The following CACNG6 variants were observed in gnomAD, a reference collection of about 807,000 sequenced individuals.
CACNG6 encodes voltage-dependent calcium channel gamma-6 subunit.
A neutral mutation model predicts 23.9 loss-of-function variants in CACNG6; 21 were observed. The observed-to-expected ratio is 0.88, with a 90% confidence interval of 0.62 to 1.26. The LOEUF (loss-of-function observed/expected upper bound fraction) is 1.26, where lower values mean the gene tolerates loss of function less well. Ranked by LOEUF, CACNG6 falls within the 50% of genes most tolerant of loss-of-function variation. The probability of loss-of-function intolerance (pLI) is 0.00; values close to 1 mark genes in which losing one functional copy is unlikely to be tolerated. For missense variants in CACNG6, 340 were observed against 352.9 expected (o/e 0.96, Z 0.29); for synonymous variants, 182 against 168.9 (o/e 1.08, Z -0.60).
chr19:53,992,918 G>T lies in CACNG6; in HGVS notation c.41G>T (p.Arg14Leu). Residue 14 changes from arginine to leucine, a missense_variant, in exon 1 of 4, where the codon CGG becomes CTG. By Grantham distance (102) the Arg-to-Leu change is moderately radical. Coordinates refer to ENST00000252729, the MANE Select transcript of CACNG6 (RefSeq NM_145814.2). The surrounding 1 kb of genome is among the most constrained non-coding windows in gnomAD (Gnocchi z 4.1). ...SNFFLQEENR[R>L]RGAAGRRRAH... ...TTCTTCCTGCAAGAGGAGAACCGGC[G>T]GCGGGGGGCCGCGGGCCGGCGGCGG... 1 of 1,402,116 alleles carries T rather than the reference G, an allele frequency of 7.1e-7. No individual in the cohort carries two copies. Among genetic ancestry groups the T allele is most frequent in the Non-Finnish European group, 9.3e-7 (1 of 1,080,884 alleles). The allele number at this position is 1,402,116 out of a possible 1,614,324, so 86.9% of individuals were successfully genotyped here. A position where few individuals can be genotyped will look rare whatever the true frequency, so the allele number is the denominator to read the frequency against.
chr19:54,010,036 CTTTCTTT>C (rs1406499792), intron 3 of CACNG6, among the ~76,000 whole-genome samples: 1 of 97,942 alleles, frequency 1.0e-5, no homozygotes, highest in African/African-American at 4.0e-5. Context: ...TATTTCTTTT[CTTTCTTT>C]TTTTTTTTTT....
chr19:54,001,724 C>T (rs2069577912), intron 3 of CACNG6, among the ~76,000 whole-genome samples: 1 of 152,088 alleles, frequency 6.6e-6, no homozygotes, highest in Non-Finnish European at 1.5e-5. Flanking sequence ...GGAGAGTTTG[C>T]TGCATTGCAG....
At chr19:53,998,078 G>A (rs1038115105) in intron 1 of CACNG6, among the ~76,000 whole-genome samples, 161 bp from the exon 2 acceptor site, 4 of 152,068 alleles carry the variant, frequency 2.6e-5, no homozygotes, top group African/African-American at 7.2e-5. Context: ...CAGTGTGGTC[G>A]CAGGTGGCTT....
intron 1 of CACNG6, among the ~76,000 whole-genome samples, chr19:53,995,606 C>T (rs566801124): frequency 7.6e-4 from 116 of 152,342 alleles, no homozygotes; most frequent in Middle Eastern, 6.8e-3. Flanking sequence ...CCGTGTTTCC[C>T]GCAATGACTG....
chr19:53,993,145 C>A lies in CACNG6; in HGVS notation c.268C>A (p.Arg90=), dbSNP rs1363538160. Residue 90 remains arginine (R), a synonymous_variant, in exon 1 of 4, where the codon CGG becomes AGG. Transcript: ENST00000252729. The stretch of plus-strand genomic sequence containing the variant: ...GGGGCTGTGGAAGGCGTGCACCAAG[C>A]GGCTGTGGCAGGCGGACGTGCCCGT... ...HLGLWKACTK[R]LWQADVPVDR... 1.3e-6 allele frequency: 2 copies of A among 1,547,812 alleles called. No individual in the cohort carries two copies. The highest frequency in any genetic ancestry group is 1.4e-5 in the African/African-American group (1 of 73,088).
chr19:54,010,166 G>A (rs2069691137), intron 3 of CACNG6, among the ~76,000 whole-genome samples: 1 of 150,854 alleles, frequency 6.6e-6, no homozygotes, highest in African/African-American at 2.4e-5. Context: ...GATTACAGGT[G>A]CACACCACCA....
rs147321924 is a variant in CACNG6 at position 54,000,112 on chromosome 19, G to C, written c.544+341G>C. Among the ~76,000 whole-genome samples, 627 of 152,220 alleles carry C rather than the reference G, an allele frequency of 4.1e-3. 11 individuals are homozygous for C. Among genetic ancestry groups the C allele is most frequent in the Non-Finnish European group, 1.1e-3 (75 of 67,998 alleles). On this transcript the variant is annotated intron_variant, in intron 3 of 3. Coordinates refer to ENST00000252729, the MANE Select transcript of CACNG6 (RefSeq NM_145814.2). ...CAAACATTGTTTTAGATTTGGACCT[G>C]GGATTTCCAATCACTGTTGCATGCT...
chr19:54,009,831 C>T (rs1346045440), intron 3 of CACNG6, among the ~76,000 whole-genome samples: 7 of 148,408 alleles, frequency 4.7e-5, no homozygotes, highest in East Asian at 2.0e-4. Flanking sequence ...GAGGCTGAGG[C>T]GGGAGAATCA....
At chr19:53,993,328 TGCCTCGCAGTAAGC>T (rs1158615724) in intron 1 of CACNG6, 120 bp downstream of exon 1, 12 of 1,028,340 alleles carry the variant, frequency 1.2e-5, no homozygotes, top group Admixed American at 8.5e-5. Flanking sequence ...GGAGACAGCT[TGCCTCGCAGTAAGC>T]GCCAGTGCCC....
chr19:53,999,568 A>G (rs77617423), intron 2 of CACNG6, 66 bp from the exon 3 acceptor site: 8 of 1,558,372 alleles, frequency 5.1e-6, no homozygotes, highest in Non-Finnish European at 6.9e-6. Context: ...CTGGGTTCCT[A>G]TGGGTGAATC....
chr19:53,992,255 C>G lies in CACNG6; in HGVS notation c.-623C>G, dbSNP rs1195728960. ...CTCCCCTTGGGAGCTTCCCGGGACCCCAGGTCTTCCTTTTCCGAATCCCAG... is the reference window on the plus strand; with the variant it reads ...CTCCCCTTGGGAGCTTCCCGGGACCGCAGGTCTTCCTTTTCCGAATCCCAG... On this transcript the variant is annotated 5_prime_UTR_variant, in exon 1 of 4. Transcript: ENST00000252729. The surrounding 1 kb of genome is among the most constrained non-coding windows in gnomAD (Gnocchi z 4.1). 6.6e-6 allele frequency: 1 copy of G among 152,194 alleles called. No homozygotes were observed. Among genetic ancestry groups the G allele is most frequent in the African/African-American group, 2.4e-5 (1 of 41,438 alleles). The allele number at this position is 152,194 out of a possible 1,614,324, so 9.4% of individuals were successfully genotyped here. A position where few individuals can be genotyped will look rare whatever the true frequency, so the allele number is the denominator to read the frequency against.
At chr19:54,002,284 G>GTTTTTTTTTTTTTTT in intron 3 of CACNG6, among the ~76,000 whole-genome samples, 1 of 117,416 alleles carries the variant, frequency 8.5e-6, no homozygotes, top group South Asian at 2.5e-4. Flanking sequence ...TGTTTTTTTT[G>GTTTTTTTTTTTTTTT]TTTTTTTTTT....
intron 3 of CACNG6, among the ~76,000 whole-genome samples, chr19:54,002,888 T>C (rs913543944): frequency 2.6e-5 from 4 of 152,194 alleles, no homozygotes; most frequent in Admixed American, 2.6e-4. Context: ...GTTTCTCTCC[T>C]TATAATACAT....
At chr19:53,998,042 G>A (rs1050690417) in intron 1 of CACNG6, among the ~76,000 whole-genome samples, 197 bp from the exon 2 acceptor site, 1 of 152,110 alleles carries the variant, frequency 6.6e-6, no homozygotes, top group South Asian at 2.1e-4. Flanking sequence ...TCAGAGCCCC[G>A]GGTAGGAGTC....
intron 3 of CACNG6, among the ~76,000 whole-genome samples, chr19:54,008,048 C>T (rs2069666423): frequency 6.6e-6 from 1 of 152,098 alleles, no homozygotes; most frequent in Non-Finnish European, 1.5e-5. Context: ...GCTGCATTCT[C>T]CAGGCCCTGA....
intron 3 of CACNG6, among the ~76,000 whole-genome samples, chr19:54,010,403 G>A (rs538608312): frequency 9.2e-5 from 14 of 152,174 alleles, no homozygotes; most frequent in African/African-American, 3.4e-4. Context: ...AATCGCTTCA[G>A]TCTCCCAAAG....
chr19:53,999,806 C>A, intron 3 of CACNG6, 35 bp downstream of exon 3: 1 of 1,607,790 alleles, frequency 6.2e-7, no homozygotes, highest in Non-Finnish European at 8.5e-7. Flanking sequence ...GAGGACATTG[C>A]ATGCTGGGAG....
chr19:54,004,331 A>ATTTTTTTTT (rs532047922), intron 3 of CACNG6, among the ~76,000 whole-genome samples: 1 of 84,318 alleles, frequency 1.2e-5, no homozygotes, highest in African/African-American at 7.0e-5. Flanking sequence ...TTAATTTTGT[A>ATTTTTTTTT]TTTTTGTGTG....
chr19:53,998,500 T>C (rs1255991514), intron 2 of CACNG6, among the ~76,000 whole-genome samples, 187 bp downstream of exon 2: 1 of 141,598 alleles, frequency 7.1e-6, no homozygotes, highest in Non-Finnish European at 1.5e-5. Context: ...CTCTAGAGAA[T>C]CTAGAGAACT....
Sources: gnomAD v4.1 joint callset for allele counts (sites outside exome capture counted in the v4.1 genomes callset) on GRCh38, gnomAD v4.1.1 for gene constraint, Gnocchi (gnomAD v3.1) non-coding constraint, MANE v1.5 for transcripts, NCBI Gene and HGNC (gene_info 2026-07-23, HGNC 2026-07-21) for gene names.